Variants in THSD7A observed in about 807,000 individuals in gnomAD.
THSD7A encodes the protein thrombospondin type-1 domain-containing protein 7A.
Under a neutral mutation model 231.3 loss-of-function variants are expected in THSD7A, and 96 were observed. The observed-to-expected ratio is 0.41, with a 90% CI of 0.35 to 0.49. The LOEUF (loss-of-function observed/expected upper bound fraction) is 0.49, where lower values mean the gene tolerates loss of function less well. Ranked by LOEUF, THSD7A falls within the 20% of genes least tolerant of loss-of-function variation. The pLI, the probability that THSD7A is intolerant of heterozygous loss-of-function variation, is 0.05. For synonymous variants in THSD7A, 940 were observed against 743.3 expected (o/e 1.26, Z -4.30); for missense variants, 2,290 against 2,070.2 (o/e 1.11, Z -2.06).
intron 6 of THSD7A, among the ~76,000 whole-genome samples, chr7:11,485,547 C>T (rs1474035206): frequency 6.6e-6 from 1 of 152,144 alleles, no homozygotes; most frequent in Non-Finnish European, 1.5e-5. Context: ...GTATTACTAT[C>T]TATTTTTTAC....
chr7:11,774,783 T>C (rs13228388), intron 1 of THSD7A, among the ~76,000 whole-genome samples: 38,255 of 152,166 alleles, frequency 0.25, 5,013 homozygotes, highest in Middle Eastern at 0.41. Flanking sequence ...GGCCAGGTGC[T>C]ATGGCTCACA....
chr7:11,447,459 C>G (rs1785009043), intron 11 of THSD7A, 35 bp from the exon 12 acceptor site: 1 of 1,462,760 alleles, frequency 6.8e-7, no homozygotes, highest in East Asian at 2.5e-5. Flanking sequence ...ATAACAAATT[C>G]AAACGTCTAA....
At chr7:11,644,636 T>C (rs1163227501) in intron 1 of THSD7A, among the ~76,000 whole-genome samples, 1 of 152,006 alleles carries the variant, frequency 6.6e-6, no homozygotes, top group African/African-American at 2.4e-5. Context: ...AAATTACATG[T>C]ACAAAATTAG....
At chr7:11,757,609 A>G (rs181244266) in intron 1 of THSD7A, among the ~76,000 whole-genome samples, 25 of 152,132 alleles carry the variant, frequency 1.6e-4, no homozygotes, top group African/African-American at 5.8e-4. Flanking sequence ...CTAAATAACT[A>G]CCATATAAAA....
At chr7:11,716,959 C>T (rs541506217) in intron 1 of THSD7A, among the ~76,000 whole-genome samples, 1 of 151,576 alleles carries the variant, frequency 6.6e-6, no homozygotes, top group Non-Finnish European at 1.5e-5. Flanking sequence ...ATAGAACCAC[C>T]TTTCTCACCT....
rs1037712487 is a variant in THSD7A at position 11,467,512 on chromosome 7, T to C, written c.2368+2367A>G. Among the ~76,000 whole-genome samples the C allele has an allele frequency of 3.9e-5, 6 of 152,142 alleles. 1 individual carries two copies. In the South Asian group the frequency reaches 6.2e-4, roughly 16 times the overall value. ...AATTAAATAAGTATTTATACATATA[T>C]ACACAAATAAGTACTGACTCAATTA... On this transcript the variant is annotated intron_variant, in intron 9 of 27. Coordinates refer to ENST00000423059, the MANE Select transcript of THSD7A (RefSeq NM_015204.3).
Position 11,370,720 on chromosome 7 carries a change from T to G in THSD7A, c.*5074A>C, listed in dbSNP as rs1016298351. The stretch of plus-strand genomic sequence containing the variant: ...CCTCCTTATTTAAACAAAATAAATA[T>G]TCAGGTAGTTAAATTAACATAAAAT... On this transcript the variant is annotated 3_prime_UTR_variant, in exon 28 of 28. Transcript: ENST00000423059. 5 of 152,124 alleles carry G rather than the reference T, an allele frequency of 3.3e-5. No homozygotes were observed. The highest frequency in any genetic ancestry group is 7.4e-5 in the Non-Finnish European group (5 of 67,990). 9.4% of individuals were successfully genotyped at this position (152,124 alleles called of 1,614,324 possible). A position where few individuals can be genotyped will look rare whatever the true frequency, so the allele number is the denominator to read the frequency against.
At position 11,474,901 on chromosome 7, in the gene THSD7A, C is replaced by A. The variant is rs1786094902; in HGVS notation, c.2018-333G>T. Among the ~76,000 whole-genome samples, 1 of 152,086 alleles carries A rather than the reference C, an allele frequency of 6.6e-6. No individual in the cohort carries two copies. The highest frequency in any genetic ancestry group is 1.5e-5 in the Non-Finnish European group (1 of 67,998). On this transcript the variant is annotated intron_variant, in intron 7 of 27. Transcript: ENST00000423059. This position sits in a 1 kb window ranked among gnomAD's most constrained non-coding sequence, Gnocchi z 4.1. The stretch of plus-strand genomic sequence containing the variant: ...GGATTCAAGGAGTACAATTTCACTA[C>A]TTTTTGGAGTCTGAAGAATGCCTCA...
chr7:11,760,438 C>CTGTTCCTCATTATGTGAA (rs751927069), intron 1 of THSD7A, among the ~76,000 whole-genome samples: 26 of 152,178 alleles, frequency 1.7e-4, no homozygotes, highest in African/African-American at 2.9e-4. Flanking sequence ...GTAAGAATGG[C>CTGTTCCTCATTATGTGAA]TGTTCCTCAT....
intron 6 of THSD7A, among the ~76,000 whole-genome samples, chr7:11,494,297 C>G (rs773444385): frequency 6.6e-6 from 1 of 151,984 alleles, no homozygotes; most frequent in East Asian, 1.9e-4. Flanking sequence ...TAAATAAAAC[C>G]TCTGGGTTTA....
chr7:11,533,594 C>G (rs1788793832), intron 6 of THSD7A, among the ~76,000 whole-genome samples: 1 of 152,144 alleles, frequency 6.6e-6, no homozygotes, highest in South Asian at 2.1e-4. Flanking sequence ...TTTGCAGGGA[C>G]ATGGATGAAG....
At chr7:11,612,265 G>A (rs937933918) in intron 2 of THSD7A, among the ~76,000 whole-genome samples, 1 of 152,116 alleles carries the variant, frequency 6.6e-6, no homozygotes, top group Non-Finnish European at 1.5e-5. Context: ...CAGCAAGCTC[G>A]ACTGACACCA....
chr7:11,670,574 G>A (rs1783343942), intron 1 of THSD7A, among the ~76,000 whole-genome samples: 1 of 152,148 alleles, frequency 6.6e-6, no homozygotes, highest in African/African-American at 2.4e-5. Flanking sequence ...GTCTGCTACT[G>A]TATTAACTTA....
At chr7:11,592,236 A>G (rs1174479898) in intron 3 of THSD7A, among the ~76,000 whole-genome samples, 1 of 152,178 alleles carries the variant, frequency 6.6e-6, no homozygotes, top group African/African-American at 2.4e-5. Flanking sequence ...GTGCTGCAGA[A>G]TTATATATCT....
chr7:11,813,709 T>A (rs1784597293), intron 1 of THSD7A, among the ~76,000 whole-genome samples: 1 of 134,320 alleles, frequency 7.4e-6, no homozygotes. Flanking sequence ...CAAGACTCCA[T>A]CTCAAAATAA....
intron 6 of THSD7A, among the ~76,000 whole-genome samples, chr7:11,486,274 T>C (rs17632187): frequency 0.13 from 20,449 of 152,202 alleles, 1,537 homozygotes; most frequent in Middle Eastern, 0.19. Flanking sequence ...TTTATTTTGA[T>C]TGGATAAGAA....
At chr7:11,696,160 T>G (rs1780390410) in intron 1 of THSD7A, among the ~76,000 whole-genome samples, 2 of 151,402 alleles carry the variant, frequency 1.3e-5, no homozygotes, top group African/African-American at 4.8e-5. Flanking sequence ...AGACACATTG[T>G]ATTGGGATTA....
chr7:11,706,752 C>A (rs1780782777), intron 1 of THSD7A, among the ~76,000 whole-genome samples: 1 of 142,860 alleles, frequency 7.0e-6, no homozygotes, highest in African/African-American at 2.6e-5. Context: ...GAAATGTGTT[C>A]TAATCACTTT....
intron 1 of THSD7A, among the ~76,000 whole-genome samples, chr7:11,720,426 T>G (rs2128152759): frequency 6.6e-6 from 1 of 151,744 alleles, no homozygotes; most frequent in East Asian, 2.0e-4. Flanking sequence ...AATATGAATT[T>G]ATTGATGATC....
Sources: gnomAD v4.1 joint callset for allele counts (sites outside exome capture counted in the v4.1 genomes callset) on GRCh38, gnomAD v4.1.1 for gene constraint, Gnocchi (gnomAD v3.1) non-coding constraint, MANE v1.5 for transcripts, NCBI Gene and HGNC (gene_info 2026-07-23, HGNC 2026-07-21) for gene names.